Variants in GRM5 observed in about 807,000 individuals in gnomAD.
The protein encoded by GRM5 is glutamate metabotropic receptor 5.
In GRM5, 19 loss-of-function variants were observed where a neutral mutation model predicts 83.1. That is an observed-to-expected ratio of 0.23 (90% confidence interval 0.16 to 0.34). The LOEUF is 0.34. GRM5 is among the 10% of genes least tolerant of loss of function. The pLI is 1.00. For synonymous variants in GRM5, 675 were observed against 633.6 expected, an observed-to-expected ratio of 1.07 and a Z score of -0.98; for missense variants, 1,160 against 1,588.3, an observed-to-expected ratio of 0.73 and a Z score of 4.58.
At chr11:88,590,537 C>A (rs1937618390) in intron 7 of GRM5, 64 bp downstream of exon 7, 28 of 1,344,678 alleles carry the variant, frequency 2.1e-5, no homozygotes, top group Non-Finnish European at 3.0e-5. Flanking sequence ...GGATGTGACC[C>A]CCCTCTCCCA....
Position 88,505,684 on chromosome 11 carries a change from G to A in GRM5, c.*2908C>T, listed in dbSNP as rs1392806619. 2 of 152,194 alleles carry A rather than the reference G, an allele frequency of 1.3e-5. No individual in the cohort carries two copies. Among genetic ancestry groups the A allele is most frequent in the Non-Finnish European group, 1.5e-5 (1 of 68,036 alleles). 9.4% of individuals were successfully genotyped at this position (152,194 alleles called of 1,614,324 possible). On this transcript the variant is annotated 3_prime_UTR_variant, in exon 10 of 10. Transcript: ENST00000305447. ...ATGAGTGGACTGCTTAGATTAGTCA[G>A]TATAACTTGGTTAAACCACGTCTTC...
At chr11:88,658,523 C>T (rs1268563973) in intron 3 of GRM5, among the ~76,000 whole-genome samples, 1 of 152,084 alleles carries the variant, frequency 6.6e-6, no homozygotes, top group South Asian at 2.1e-4. Flanking sequence ...GGTTTAGAGA[C>T]TCTGCTCCAG....
chr11:88,678,361 G>A (rs941086203), intron 3 of GRM5, among the ~76,000 whole-genome samples: 3 of 152,080 alleles, frequency 2.0e-5, no homozygotes, highest in African/African-American at 7.2e-5. Flanking sequence ...CCCCAGCCAT[G>A]TTGCATTTTC....
At chr11:88,827,921 G>T (rs563600003) in intron 3 of GRM5, among the ~76,000 whole-genome samples, 7 of 152,156 alleles carry the variant, frequency 4.6e-5, no homozygotes, top group Non-Finnish European at 8.8e-5. Context: ...TAAAGTGGGT[G>T]GGGGGTAAAG....
chr11:88,632,177 T>A (rs934852991), intron 4 of GRM5, among the ~76,000 whole-genome samples: 3 of 152,012 alleles, frequency 2.0e-5, no homozygotes, highest in Non-Finnish European at 2.9e-5. Flanking sequence ...AACCACTGAT[T>A]TGCTTTCTGT....
At chr11:88,981,624 A>AC (rs1213240753) in intron 2 of GRM5, among the ~76,000 whole-genome samples, 5 of 151,408 alleles carry the variant, frequency 3.3e-5, no homozygotes, top group Admixed American at 3.3e-4. Context: ...TTATTTCTCT[A>AC]CCCCCCACCT....
At position 88,609,335 on chromosome 11, in the gene GRM5, T is replaced by C. The variant is rs188013858; in HGVS notation, c.1148-4371A>G. 9.8e-5 allele frequency among the ~76,000 whole-genome samples: 15 copies of C among 152,304 alleles called. No homozygotes were observed. In the East Asian group the frequency reaches 2.9e-3, roughly 29 times the overall value. ...AGCAAAGGACATGATTTTGTTTGGC[T>C]GTTTAGTATTTCATGGTGTATATGT... On this transcript the variant is annotated intron_variant, in intron 4 of 9. Coordinates refer to ENST00000305447, the MANE Select transcript of GRM5 (RefSeq NM_001143831.3).
chr11:88,582,819 G>A (rs963051790), intron 7 of GRM5, among the ~76,000 whole-genome samples: 4 of 152,038 alleles, frequency 2.6e-5, no homozygotes, highest in East Asian at 1.9e-4. Context: ...GCTTGAAGCC[G>A]ATTTTTTTTC....
At chr11:88,609,199 A>G (rs182497314) in intron 4 of GRM5, among the ~76,000 whole-genome samples, 3 of 152,206 alleles carry the variant, frequency 2.0e-5, no homozygotes, top group Admixed American at 2.0e-4. Context: ...ATTTATGTCC[A>G]TGTGTATTCA....
Position 88,535,498 on chromosome 11 carries a change from C to T in GRM5, c.2631-10094G>A, listed in dbSNP as rs568544107. On this transcript the variant is annotated intron_variant, in intron 8 of 9. Coordinates refer to ENST00000305447, the MANE Select transcript of GRM5 (RefSeq NM_001143831.3). The stretch of plus-strand genomic sequence containing the variant: ...TGATTCAGTGGTAGACTGGAAAGGT[C>T]GAAATAAGTAGGTCCTTGAGCCATT... Among the ~76,000 whole-genome samples, 321 of 152,242 alleles carry T rather than the reference C, an allele frequency of 2.1e-3. 1 individual carries two copies. Among genetic ancestry groups the T allele is most frequent in the African/African-American group, 7.2e-3 (299 of 41,530 alleles).
At chr11:88,738,422 G>A (rs1056138869) in intron 3 of GRM5, among the ~76,000 whole-genome samples, 1 of 151,920 alleles carries the variant, frequency 6.6e-6, no homozygotes, top group African/African-American at 2.4e-5. Context: ...ATTTAAAACT[G>A]TCCCATCTAT....
chr11:88,651,819 A>T (rs962219202), intron 4 of GRM5, among the ~76,000 whole-genome samples: 2 of 151,986 alleles, frequency 1.3e-5, no homozygotes, highest in Admixed American at 6.6e-5. Context: ...CTGATATGAG[A>T]TTGCTGGGTT....
At chr11:88,919,496 A>G (rs575872961) in intron 2 of GRM5, among the ~76,000 whole-genome samples, 1 of 151,350 alleles carries the variant, frequency 6.6e-6, no homozygotes, top group Non-Finnish European at 1.5e-5. Flanking sequence ...GATTATCCAG[A>G]CAGGAAATCA....
At chr11:88,653,439 G>C in intron 3 of GRM5, 36 bp from the exon 4 acceptor site, 2 of 1,395,576 alleles carry the variant, frequency 1.4e-6, no homozygotes, top group South Asian at 2.3e-5. Context: ...GCTTAGAACA[G>C]ATATCTCCTA....
chr11:88,711,841 G>A (rs1290576616), intron 3 of GRM5, among the ~76,000 whole-genome samples: 1 of 152,040 alleles, frequency 6.6e-6, no homozygotes, highest in Admixed American at 6.6e-5. Flanking sequence ...GCCAATGTGA[G>A]AACTCAGAGA....
chr11:88,624,410 G>A (rs1300009993), intron 4 of GRM5, among the ~76,000 whole-genome samples: 4 of 152,098 alleles, frequency 2.6e-5, no homozygotes, highest in African/African-American at 9.7e-5. Flanking sequence ...TGCCTGAGAG[G>A]ATAAGAGAAA....
intron 3 of GRM5, among the ~76,000 whole-genome samples, chr11:88,744,603 G>C (rs181682373): frequency 1.5e-4 from 23 of 152,152 alleles, no homozygotes; most frequent in African/African-American, 5.3e-4. Context: ...AGGTGTCACT[G>C]GTCTCAAGTC....
chr11:88,864,402 T>A (rs1944623370), intron 2 of GRM5, among the ~76,000 whole-genome samples: 1 of 151,774 alleles, frequency 6.6e-6, no homozygotes, highest in Non-Finnish European at 1.5e-5. Context: ...AACAAAGGTG[T>A]ATTCTTAGGT....
At chr11:88,867,938 A>G (rs1944701048) in intron 2 of GRM5, among the ~76,000 whole-genome samples, 1 of 151,968 alleles carries the variant, frequency 6.6e-6, no homozygotes, top group Admixed American at 6.6e-5. Context: ...TTCAGTCACA[A>G]AAAGTACCCA....
Sources: gnomAD v4.1 joint callset for allele counts (sites outside exome capture counted in the v4.1 genomes callset) on GRCh38, gnomAD v4.1.1 for gene constraint, MANE v1.5 for transcripts, NCBI Gene and HGNC (gene_info 2026-07-23, HGNC 2026-07-21) for gene names.